The following FRMD4A variants were observed in gnomAD, a reference collection of about 807,000 sequenced individuals.
FRMD4A encodes FERM domain containing 4A.
FRMD4A carries 29 observed loss-of-function variants against 129.1 expected under a neutral mutation model. The ratio of observed to expected loss-of-function variants is 0.22; its 90% CI spans 0.17 to 0.31. The LOEUF (loss-of-function observed/expected upper bound fraction) is 0.31, where lower values mean the gene tolerates loss of function less well. Among genes scored for constraint, FRMD4A ranks in the 10% least tolerant of loss-of-function variants. The pLI is 1.00. For missense variants in FRMD4A, 1,272 were observed against 1,375.8 expected (o/e 0.92, Z 1.19); for synonymous variants, 634 against 571.6 (o/e 1.11, Z -1.56).
intron 2 of FRMD4A, among the ~76,000 whole-genome samples, chr10:14,243,815 T>A: frequency 1.5e-5 from 2 of 135,440 alleles, no homozygotes; most frequent in South Asian, 2.6e-4. Context: ...CTTTGTTATG[T>A]ATATATTACC....
intron 2 of FRMD4A, among the ~76,000 whole-genome samples, chr10:13,908,801 C>T (rs1254873633): frequency 2.0e-5 from 3 of 152,166 alleles, no homozygotes; most frequent in Admixed American, 2.0e-4. Flanking sequence ...GACAGGAAAT[C>T]CAGTTAAATT....
chr10:13,645,787 A>C lies in FRMD4A; in HGVS notation c.*1251T>G, dbSNP rs2081083192. 6.6e-6 allele frequency: 1 copy of C among 152,658 alleles called. No homozygotes were observed. The highest frequency in any genetic ancestry group is 1.5e-5 in the Non-Finnish European group (1 of 68,046). 9.5% of individuals were successfully genotyped at this position (152,658 alleles called of 1,614,324 possible). On this transcript the variant is annotated 3_prime_UTR_variant, in exon 25 of 25. Transcript: ENST00000357447. ...AGTCGGATCTGAGCTCTTTTGTCACACAAGTGCTAACGAACAGAAAATGAG... is the reference window on the plus strand; with the variant it reads ...AGTCGGATCTGAGCTCTTTTGTCACCCAAGTGCTAACGAACAGAAAATGAG...
intron 2 of FRMD4A, among the ~76,000 whole-genome samples, chr10:14,045,277 C>T (rs1833941491): frequency 6.6e-6 from 1 of 152,266 alleles, no homozygotes; most frequent in East Asian, 1.9e-4. Flanking sequence ...CACACCTTTG[C>T]CTTTCCACCT....
At chr10:14,232,406 T>A (rs1843667938) in intron 2 of FRMD4A, among the ~76,000 whole-genome samples, 1 of 152,262 alleles carries the variant, frequency 6.6e-6, no homozygotes, top group South Asian at 2.1e-4. Flanking sequence ...TTGCTTTTGC[T>A]ATTTGGGCTC....
chr10:14,210,012 G>A (rs1239367613), intron 2 of FRMD4A, among the ~76,000 whole-genome samples: 9 of 152,202 alleles, frequency 5.9e-5, no homozygotes, highest in Non-Finnish European at 5.9e-5. Flanking sequence ...TCCAGGAGGA[G>A]CCAACCCTGC....
intron 2 of FRMD4A, among the ~76,000 whole-genome samples, chr10:13,949,692 G>A (rs1290001597): frequency 6.6e-6 from 1 of 152,156 alleles, no homozygotes; most frequent in Non-Finnish European, 1.5e-5. Context: ...CTTCACATCA[G>A]TACTATTAGA....
intron 2 of FRMD4A, among the ~76,000 whole-genome samples, chr10:14,170,419 T>A (rs1389222664): frequency 6.6e-6 from 1 of 152,200 alleles, no homozygotes; most frequent in Non-Finnish European, 1.5e-5. Flanking sequence ...CTCAGAAGAT[T>A]TCCTTTAGAC....
intron 15 of FRMD4A, among the ~76,000 whole-genome samples, chr10:13,686,413 T>C (rs1002267860): frequency 1.3e-5 from 2 of 152,258 alleles, no homozygotes; most frequent in Admixed American, 1.3e-4. Flanking sequence ...AGATGTCAGA[T>C]AGCTGGCACT....
chr10:13,678,823 G>A (rs893030820), intron 15 of FRMD4A, among the ~76,000 whole-genome samples: 4 of 152,148 alleles, frequency 2.6e-5, no homozygotes, highest in Non-Finnish European at 5.9e-5. Flanking sequence ...GCACATTGAT[G>A]TTTTGGTACA....
intron 2 of FRMD4A, among the ~76,000 whole-genome samples, chr10:13,989,486 G>A (rs909387511): frequency 5.3e-5 from 8 of 151,978 alleles, no homozygotes; most frequent in Non-Finnish European, 1.2e-4. Context: ...CTCCCACCAC[G>A]CCCAACTAAT....
At position 14,122,755 on chromosome 10, in the gene FRMD4A, T is replaced by C. The variant is rs979008646; in HGVS notation, c.45+207303A>G. Among the ~76,000 whole-genome samples the C allele has an allele frequency of 9.2e-5, 14 of 152,096 alleles. No individual in the cohort carries two copies. In the East Asian group the frequency reaches 9.7e-4, roughly 11 times the overall value. ...CTCCCACCAGGACCCACCTGCAACA[T>C]TGGGGATTGCAACTGAACACAGGAT... is the stretch of plus-strand genomic sequence containing the variant. On this transcript the variant is annotated intron_variant, in intron 2 of 24. Transcript: ENST00000357447.
At chr10:13,779,332 A>T (rs1236668456) in intron 6 of FRMD4A, among the ~76,000 whole-genome samples, 11 of 151,424 alleles carry the variant, frequency 7.3e-5, no homozygotes, top group African/African-American at 2.7e-4. Flanking sequence ...AAAAAAAAAA[A>T]AGACTTATTT....
At chr10:13,964,069 C>G (rs905654246) in intron 2 of FRMD4A, among the ~76,000 whole-genome samples, 1 of 151,788 alleles carries the variant, frequency 6.6e-6, no homozygotes, top group South Asian at 2.1e-4. Flanking sequence ...ACACAGCCAA[C>G]CCAGAACCAG....
intron 3 of FRMD4A, among the ~76,000 whole-genome samples, chr10:13,826,371 C>T (rs1324614066): frequency 6.6e-6 from 1 of 152,200 alleles, no homozygotes; most frequent in African/African-American, 2.4e-5. Flanking sequence ...CTTATTTGAG[C>T]AGCCTTGCCC....
At chr10:14,107,728 A>G (rs1286568649) in intron 2 of FRMD4A, among the ~76,000 whole-genome samples, 1 of 152,186 alleles carries the variant, frequency 6.6e-6, no homozygotes, top group Non-Finnish European at 1.5e-5. Flanking sequence ...ACTTTTGCAT[A>G]TAATAATATA....
rs537708876 is a variant in FRMD4A, at chr10:14,311,298, C to T, written c.45+18760G>A. ...CCTGAATCCTGGAAAACAGCTATCT[C>T]GACCTTTGTAGAACTGACCAATTTA... On this transcript the variant is annotated intron_variant, in intron 2 of 24. Transcript: ENST00000357447. Among the ~76,000 whole-genome samples, 91 of 152,284 alleles carry T rather than the reference C, an allele frequency of 6.0e-4. 1 individual carries two copies. Among genetic ancestry groups the T allele is most frequent in the African/African-American group, 2.0e-3 (85 of 41,546 alleles).
chr10:13,801,477 CA>C (rs2093253278), intron 4 of FRMD4A, among the ~76,000 whole-genome samples: 1 of 152,198 alleles, frequency 6.6e-6, no homozygotes, highest in Admixed American at 6.5e-5. Context: ...CAGACTTTCC[CA>C]AACCTGGAGT....
chr10:14,241,758 A>G (rs1016596042), intron 2 of FRMD4A, among the ~76,000 whole-genome samples: 1 of 147,596 alleles, frequency 6.8e-6, no homozygotes, highest in Non-Finnish European at 1.5e-5. Flanking sequence ...GTTGCCAGGA[A>G]CAGACATTAC....
intron 2 of FRMD4A, among the ~76,000 whole-genome samples, chr10:13,904,158 C>T (rs2094853056): frequency 6.6e-6 from 1 of 152,192 alleles, no homozygotes; most frequent in Admixed American, 6.5e-5. Context: ...CCTTTGTCCC[C>T]TTTTGCCTAC....
Sources: allele counts gnomAD v4.1 joint callset (sites outside exome capture counted in the v4.1 genomes callset), GRCh38; gene constraint gnomAD v4.1.1; transcripts MANE v1.5; gene names NCBI Gene and HGNC (gene_info 2026-07-23, HGNC 2026-07-21).